Variants in GALNT14 observed in about 807,000 individuals in gnomAD.
The protein encoded by GALNT14 is UDP-GalNAc:polypeptide N-acetylgalactosaminyltransferase 14.
A neutral mutation model predicts 77.5 loss-of-function variants in GALNT14; 60 were observed. That is an observed-to-expected ratio of 0.77 (90% CI 0.63 to 0.96). The LOEUF (loss-of-function observed/expected upper bound fraction) is 0.96. GALNT14 is among the 40% of genes least tolerant of loss of function. The pLI, the probability that GALNT14 is intolerant of heterozygous loss-of-function variation, is 0.00. For missense variants in GALNT14, 710 were observed against 731.0 expected (o/e 0.97, Z 0.33); for synonymous variants, 280 against 281.7 (o/e 0.99, Z 0.06).
At chr2:30,942,689 G>A (rs1442640305) in intron 8 of GALNT14, among the ~76,000 whole-genome samples, 1 of 152,186 alleles carries the variant, frequency 6.6e-6, no homozygotes, top group African/African-American at 2.4e-5. Context: ...TGGGAGCTCT[G>A]TTACTGGGAG....
chr2:30,983,023 A>G lies in GALNT14; in HGVS notation c.299+9815T>C, dbSNP rs1429384186. Among the ~76,000 whole-genome samples, 5 of 152,170 alleles carry G rather than the reference A, an allele frequency of 3.3e-5. No homozygotes were observed. In the East Asian group the frequency reaches 9.6e-4, roughly 29 times the overall value. On this transcript the variant is annotated intron_variant, in intron 2 of 14. Transcript: ENST00000349752. ...AGCACCCCCGGAATGCAGAGTGCAA[A>G]TCCAGGGAATCTTCTTCACCCCTCT...
At chr2:31,084,910 A>G (rs892249569) in intron 1 of GALNT14, among the ~76,000 whole-genome samples, 19 of 152,130 alleles carry the variant, frequency 1.2e-4, no homozygotes, top group South Asian at 4.1e-4. Context: ...CTGTAATCCC[A>G]GCTACTCAGG....
At chr2:31,076,631 T>TA (rs1558551969) in intron 1 of GALNT14, among the ~76,000 whole-genome samples, 104 of 112,694 alleles carry the variant, frequency 9.2e-4, no homozygotes, top group South Asian at 4.0e-3. Context: ...ATATATATAT[T>TA]TTTTTTTTTT....
Position 31,073,512 on chromosome 2 carries a change from G to T in GALNT14, c.129+64446C>A, listed in dbSNP as rs184752106. 1.5e-3 allele frequency among the ~76,000 whole-genome samples: 226 copies of T among 152,130 alleles called. 1 individual carries two copies. The highest frequency in any genetic ancestry group is 5.3e-3 in the African/African-American group (220 of 41,478). ...GGGGGGGGAACAGCATTTGGGGAAC[G>T]ATGCAAGAGAAGCCTCCTCTAAATA... On this transcript the variant is annotated intron_variant, in intron 1 of 14. Coordinates refer to ENST00000349752, the MANE Select transcript of GALNT14 (RefSeq NM_024572.4).
In GALNT14 at chr2:31,108,694, C is replaced by T. The variant is rs1210767080; in HGVS notation, c.129+29264G>A. Among the ~76,000 whole-genome samples, 4 of 152,214 alleles carry T rather than the reference C, an allele frequency of 2.6e-5. No individual in the cohort carries two copies. The East Asian group carries it at 5.8e-4, about 22-fold the overall frequency. ...CCCTTTTTCAGAAGACTCTGTAGCA[C>T]ACAAACAGTGTCCTTGGGGAATGAG... is the stretch of plus-strand genomic sequence containing the variant. On this transcript the variant is annotated intron_variant, in intron 1 of 14. Coordinates refer to ENST00000349752, the MANE Select transcript of GALNT14 (RefSeq NM_024572.4).
chr2:31,032,390 C>T (rs868473842), intron 1 of GALNT14, among the ~76,000 whole-genome samples: 2 of 152,166 alleles, frequency 1.3e-5, no homozygotes, highest in African/African-American at 2.4e-5. Flanking sequence ...AGAGTGGCCA[C>T]GAGGGCTGCA....
the GALNT14 span, among the ~76,000 whole-genome samples, chr2:30,895,995 T>C: frequency 6.6e-6 from 1 of 152,230 alleles, no homozygotes; most frequent in Non-Finnish European, 1.5e-5. Context: ...CTCTGCCATA[T>C]ATCACCTGGG....
At chr2:31,070,892 T>C (rs1012035186) in intron 1 of GALNT14, among the ~76,000 whole-genome samples, 6 of 152,152 alleles carry the variant, frequency 3.9e-5, no homozygotes, top group East Asian at 1.9e-4. Flanking sequence ...CTGGTCTCTG[T>C]TAGCAAACAG....
At chr2:31,073,490 G>A (rs1361891704) in intron 1 of GALNT14, among the ~76,000 whole-genome samples, 3 of 152,092 alleles carry the variant, frequency 2.0e-5, no homozygotes, top group Non-Finnish European at 4.4e-5. Context: ...TAAAGAGGGG[G>A]GGGGAACAGC....
chr2:31,075,962 C>CTG (rs1350297674), intron 1 of GALNT14, among the ~76,000 whole-genome samples: 1 of 152,176 alleles, frequency 6.6e-6, no homozygotes, highest in Non-Finnish European at 1.5e-5. Context: ...AGAGAATTCC[C>CTG]TGAGCACAGT....
At chr2:30,901,945 G>T in the GALNT14 span, among the ~76,000 whole-genome samples, 1 of 152,096 alleles carries the variant, frequency 6.6e-6, no homozygotes, top group Non-Finnish European at 1.5e-5. Flanking sequence ...TGTTGTCATA[G>T]GCTGATAGCA....
At chr2:31,092,617 G>A (rs1213436179) in intron 1 of GALNT14, among the ~76,000 whole-genome samples, 2 of 152,164 alleles carry the variant, frequency 1.3e-5, no homozygotes, top group Admixed American at 6.5e-5. Flanking sequence ...AAGGAGATAA[G>A]GCTCCCTCTC....
the GALNT14 span, among the ~76,000 whole-genome samples, chr2:30,904,877 C>G: frequency 6.6e-6 from 1 of 152,072 alleles, no homozygotes; most frequent in African/African-American, 2.4e-5. Context: ...AACGGGCAGA[C>G]TGCCTCCTCA....
Position 30,912,486 on chromosome 2 carries a change from T to G in GALNT14, c.1381-144A>C, listed in dbSNP as rs1664427793. 5 of 908,924 alleles carry G rather than the reference T, an allele frequency of 5.5e-6. No homozygotes were observed. In the East Asian group the frequency reaches 1.3e-4, roughly 23 times the overall value. The allele number at this position is 908,924 out of a possible 1,614,324, so 56.3% of individuals were successfully genotyped here. On this transcript the variant is annotated intron_variant, in intron 13 of 14. Transcript: ENST00000349752. ...TAGGCAATGATCATCAAGGTTACCT[T>G]GGAAAATGCTACTCAAGTGCCAGAG...
intron 13 of GALNT14, among the ~76,000 whole-genome samples, chr2:30,912,711 C>T (rs1372584379): frequency 6.6e-6 from 1 of 152,182 alleles, no homozygotes; most frequent in Non-Finnish European, 1.5e-5. Flanking sequence ...CAGCACTTGA[C>T]ATTTCAAGCA....
At chr2:31,022,440 CCTT>C (rs1276787609) in intron 1 of GALNT14, among the ~76,000 whole-genome samples, 2 of 152,190 alleles carry the variant, frequency 1.3e-5, no homozygotes, top group Non-Finnish European at 2.9e-5. Context: ...CCTACATTCT[CCTT>C]CTCCTCCCAG....
At chr2:30,976,436 T>C (rs1026356040) in intron 2 of GALNT14, among the ~76,000 whole-genome samples, 3 of 152,144 alleles carry the variant, frequency 2.0e-5, no homozygotes, top group African/African-American at 7.2e-5. Context: ...CCCTTCCAAG[T>C]GAGTGGAACA....
intron 3 of GALNT14, among the ~76,000 whole-genome samples, chr2:30,962,906 GGATA>G (rs1459280583): frequency 6.6e-6 from 1 of 152,202 alleles, no homozygotes; most frequent in Non-Finnish European, 1.5e-5. Flanking sequence ...TTGTGCAACA[GGATA>G]GAGAGTGAAA....
At chr2:31,048,752 C>G (rs1673651360) in intron 1 of GALNT14, among the ~76,000 whole-genome samples, 2 of 152,102 alleles carry the variant, frequency 1.3e-5, no homozygotes, top group South Asian at 4.2e-4. Context: ...TCTATGTGAC[C>G]CCCTTGCTCT....
Sources: gnomAD v4.1 joint callset for allele counts (sites outside exome capture counted in the v4.1 genomes callset) on GRCh38, gnomAD v4.1.1 for gene constraint, MANE v1.5 for transcripts, NCBI Gene and HGNC (gene_info 2026-07-23, HGNC 2026-07-21) for gene names.